CALN1: variants seen among roughly 807,000 people sequenced by gnomAD.
The protein encoded by CALN1 is calneuron 1.
Under a neutral mutation model 30.6 loss-of-function variants are expected in CALN1, and 17 were observed. The ratio of observed to expected loss-of-function variants is 0.56; its 90% confidence interval spans 0.38 to 0.83. The LOEUF (loss-of-function observed/expected upper bound fraction) is 0.83. Ranked by LOEUF, CALN1 falls within the 40% of genes least tolerant of loss-of-function variation. The pLI is 0.00. For synonymous variants in CALN1, 156 were observed against 131.4 expected (o/e 1.19, Z -1.28); for missense variants, 291 against 354.9 (o/e 0.82, Z 1.45).
chr7:72,381,969 G>A (rs1363834968), intron 2 of CALN1, among the ~76,000 whole-genome samples: 2 of 152,186 alleles, frequency 1.3e-5, no homozygotes, highest in African/African-American at 4.8e-5. Flanking sequence ...TGATTAAAGA[G>A]TAAGTATGAA....
chr7:72,101,983 A>G (rs1445272908), intron 4 of CALN1, among the ~76,000 whole-genome samples: 2 of 152,226 alleles, frequency 1.3e-5, no homozygotes. Flanking sequence ...CTAGGGTTTT[A>G]GACTAGGGAA....
In CALN1 at chr7:72,106,239, C is replaced by G. The variant is rs763607879; in HGVS notation, c.300G>C (p.Lys100Asn). The change falls in exon 4 of 7, where the codon AAG becomes AAC. Residue 100 changes from lysine to asparagine, a missense_variant. Coordinates refer to ENST00000395275, the MANE Select transcript of CALN1 (RefSeq NM_031468.4). ...LDRDGNGFIS[K>N]QELGMAMRSL... Reference sequence around the variant, plus strand: ...AGCGCATGGCCATGCCCAGCTCCTGCTTGGAGATGAAGCCGTTCCCATCCC... The same window carrying G: ...AGCGCATGGCCATGCCCAGCTCCTGGTTGGAGATGAAGCCGTTCCCATCCC... 1.2e-6 allele frequency: 2 copies of G among 1,613,976 alleles called. No individual in the cohort carries two copies. Among genetic ancestry groups the G allele is most frequent in the Admixed American group, 3.3e-5 (2 of 60,000 alleles).
chr7:72,496,667 T>C, the CALN1 span, among the ~76,000 whole-genome samples: 3 of 152,020 alleles, frequency 2.0e-5, no homozygotes, highest in South Asian at 4.1e-4. Context: ...AATGAGAGGA[T>C]TGTTTAAGAC....
At chr7:71,927,842 T>C (rs1005016523) in intron 5 of CALN1, among the ~76,000 whole-genome samples, 1 of 152,188 alleles carries the variant, frequency 6.6e-6, no homozygotes, top group African/African-American at 2.4e-5. Flanking sequence ...AATGATGTCT[T>C]GAATCTTTGG....
At chr7:71,809,832 C>CT (rs963507789) in intron 6 of CALN1, among the ~76,000 whole-genome samples, 3 of 145,138 alleles carry the variant, frequency 2.1e-5, no homozygotes, top group Admixed American at 6.9e-5. Flanking sequence ...TTTTTTTTTT[C>CT]TTTTTTTTGG....
chr7:72,470,910 G>C, the CALN1 span, among the ~76,000 whole-genome samples: 1 of 152,160 alleles, frequency 6.6e-6, no homozygotes, highest in Non-Finnish European at 1.5e-5. Context: ...TAACAAGCAA[G>C]ACAGTTGACC....
intron 2 of CALN1, among the ~76,000 whole-genome samples, chr7:72,362,093 G>A (rs902973975): frequency 6.6e-6 from 1 of 152,030 alleles, no homozygotes; most frequent in Non-Finnish European, 1.5e-5. Context: ...CCTTGGACAG[G>A]TTTCTGTCAT....
At chr7:71,852,284 TG>T (rs1790691010) in intron 5 of CALN1, among the ~76,000 whole-genome samples, 1 of 152,044 alleles carries the variant, frequency 6.6e-6, no homozygotes, top group South Asian at 2.1e-4. Flanking sequence ...TCACTTCTCT[TG>T]GGAAAATACC....
intron 3 of CALN1, among the ~76,000 whole-genome samples, chr7:72,175,557 G>C (rs565838477): frequency 6.6e-6 from 1 of 152,214 alleles, no homozygotes; most frequent in South Asian, 2.1e-4. Flanking sequence ...TTTGGAGATG[G>C]CAAACTTCAT....
intron 2 of CALN1, among the ~76,000 whole-genome samples, chr7:72,302,007 A>C (rs1799298712): frequency 6.6e-6 from 1 of 152,152 alleles, no homozygotes; most frequent in African/African-American, 2.4e-5. Context: ...AAGAATTTTA[A>C]TGTAATGCTT....
At chr7:72,221,248 A>G (rs927945803) in intron 3 of CALN1, among the ~76,000 whole-genome samples, 4 of 151,432 alleles carry the variant, frequency 2.6e-5, no homozygotes, top group East Asian at 1.9e-4. Flanking sequence ...ACAATCTGTT[A>G]TAAGAGCCCC....
chr7:72,427,206 C>T (rs1585717338), intron 1 of CALN1, among the ~76,000 whole-genome samples: 2 of 152,244 alleles, frequency 1.3e-5, no homozygotes, highest in East Asian at 3.9e-4. Context: ...AAACTCCTGA[C>T]CTCAAGCCAC....
intron 2 of CALN1, among the ~76,000 whole-genome samples, chr7:72,314,671 G>T (rs2129556704): frequency 6.6e-6 from 1 of 151,582 alleles, no homozygotes; most frequent in South Asian, 2.1e-4. Context: ...CGCCTTGTCT[G>T]CCCAAAGTGC....
At chr7:71,842,291 G>A (rs1348933540) in intron 5 of CALN1, among the ~76,000 whole-genome samples, 1 of 152,216 alleles carries the variant, frequency 6.6e-6, no homozygotes, top group Non-Finnish European at 1.5e-5. Flanking sequence ...ATCCTGCCCT[G>A]CGGGAGCATA....
At chr7:72,487,868 G>C in the CALN1 span, among the ~76,000 whole-genome samples, 1 of 71,418 alleles carries the variant, frequency 1.4e-5, no homozygotes, top group Non-Finnish European at 2.5e-5. Flanking sequence ...AAGAAAGAAA[G>C]AAAGAAAGAA....
the CALN1 span, among the ~76,000 whole-genome samples, chr7:72,460,275 G>A: frequency 2.0e-5 from 3 of 152,112 alleles, no homozygotes; most frequent in Non-Finnish European, 4.4e-5. Flanking sequence ...ACATCCAAAC[G>A]ATGTCACTTA....
intron 1 of CALN1, among the ~76,000 whole-genome samples, chr7:72,403,878 G>C (rs1482626068): frequency 6.6e-6 from 1 of 152,158 alleles, no homozygotes; most frequent in African/African-American, 2.4e-5. Flanking sequence ...GGAAATCACC[G>C]TCTAACGGTG....
At chr7:72,102,215 C>T (rs576531091) in intron 4 of CALN1, among the ~76,000 whole-genome samples, 1 of 152,100 alleles carries the variant, frequency 6.6e-6, no homozygotes, top group Admixed American at 6.5e-5. Context: ...GAGGCTGAGG[C>T]AGGCGGATCA....
intron 2 of CALN1, among the ~76,000 whole-genome samples, chr7:72,383,123 T>C (rs1436157255): frequency 6.6e-6 from 1 of 152,168 alleles, no homozygotes; most frequent in East Asian, 1.9e-4. Flanking sequence ...TAGTATTCCA[T>C]GGTGTATGTG....
Sources: allele counts gnomAD v4.1 joint callset (sites outside exome capture counted in the v4.1 genomes callset), GRCh38; gene constraint gnomAD v4.1.1; transcripts MANE v1.5; gene names NCBI Gene and HGNC (gene_info 2026-07-23, HGNC 2026-07-21).